The following PSD3 variants were observed in gnomAD, a reference collection of about 807,000 sequenced individuals.
PSD3 encodes PH and SEC7 domain-containing protein 3.
Under a neutral mutation model 105.5 loss-of-function variants are expected in PSD3, and 49 were observed. The ratio of observed to expected loss-of-function variants is 0.46; its 90% CI spans 0.37 to 0.59. PSD3 has a LOEUF of 0.59. Among genes scored for constraint, PSD3 ranks in the 20% least tolerant of loss-of-function variants. The pLI, the probability that PSD3 is intolerant of heterozygous loss-of-function variation, is 0.00. For missense variants in PSD3, 1,561 were observed against 1,263.8 expected, an observed-to-expected ratio of 1.24 and a Z score of -3.57; for synonymous variants, 557 against 457.8, an observed-to-expected ratio of 1.22 and a Z score of -2.77.
At chr8:18,977,167 G>A (rs1340544227) in intron 1 of PSD3, among the ~76,000 whole-genome samples, 4 of 150,846 alleles carry the variant, frequency 2.7e-5, no homozygotes, top group Non-Finnish European at 5.9e-5. Context: ...GGCTGAGGCA[G>A]GAGAATCGCT....
intron 9 of PSD3, among the ~76,000 whole-genome samples, chr8:18,715,832 A>C (rs187855807): frequency 2.0e-5 from 3 of 152,338 alleles, no homozygotes; most frequent in Admixed American, 2.0e-4. Flanking sequence ...AAATAAGTAC[A>C]TCCAACGCAT....
At chr8:18,802,647 A>G (rs1227348391) in intron 6 of PSD3, among the ~76,000 whole-genome samples, 3 of 152,216 alleles carry the variant, frequency 2.0e-5, no homozygotes, top group African/African-American at 4.8e-5. Context: ...AAATCACTGC[A>G]GTACTACACT....
chr8:18,574,091 T>C (rs570132706), intron 13 of PSD3, among the ~76,000 whole-genome samples: 33 of 152,226 alleles, frequency 2.2e-4, no homozygotes, highest in African/African-American at 7.9e-4. Flanking sequence ...AACTCATAAA[T>C]GAATGGTAGA....
At chr8:18,835,881 G>T (rs920996756) in intron 4 of PSD3, among the ~76,000 whole-genome samples, 3 of 150,726 alleles carry the variant, frequency 2.0e-5, no homozygotes, top group South Asian at 2.1e-4. Flanking sequence ...CGGTGTAGAT[G>T]GGGGGGCGGA....
At chr8:18,868,149 C>A (rs1817089791) in intron 3 of PSD3, 80 bp from the exon 4 acceptor site, 5 of 1,401,740 alleles carry the variant, frequency 3.6e-6, no homozygotes, top group Non-Finnish European at 4.8e-6. Context: ...ATAAAAAGGA[C>A]AACATTCTGA....
rs76289878 is a variant in PSD3 at position 18,686,324 on chromosome 8, G to A, written c.2173-30639C>T. 1.2e-3 allele frequency among the ~76,000 whole-genome samples: 180 copies of A among 152,292 alleles called. 2 individuals carry two copies. The East Asian group carries it at 0.03, about 25-fold the overall frequency. On this transcript the variant is annotated intron_variant, in intron 9 of 15. Coordinates refer to ENST00000327040, the MANE Select transcript of PSD3 (RefSeq NM_015310.4). Reference sequence around the variant, plus strand: ...CAATCCCCACTTTCCTGATGAGGACGCTATCACAGAGCCAGCATGCAGATT... The same window carrying A: ...CAATCCCCACTTTCCTGATGAGGACACTATCACAGAGCCAGCATGCAGATT...
intron 15 of PSD3, among the ~76,000 whole-genome samples, chr8:18,536,618 T>A (rs1799860255): frequency 6.6e-6 from 1 of 152,218 alleles, no homozygotes; most frequent in South Asian, 2.1e-4. Context: ...TTCAAGTTAT[T>A]TTCTGATGCT....
chr8:18,581,988 C>G (rs9942804), intron 12 of PSD3, among the ~76,000 whole-genome samples: 1 of 152,036 alleles, frequency 6.6e-6, no homozygotes, highest in Admixed American at 6.6e-5. Flanking sequence ...AACAAGAGCT[C>G]TGGATAATGT....
chr8:18,983,472 G>C (rs192866769), intron 1 of PSD3, among the ~76,000 whole-genome samples: 1 of 152,152 alleles, frequency 6.6e-6, no homozygotes. Flanking sequence ...TTCTCACTAA[G>C]CTTAATCATT....
chr8:18,572,964 G>A (rs1802233507), intron 13 of PSD3, among the ~76,000 whole-genome samples: 1 of 152,126 alleles, frequency 6.6e-6, no homozygotes, highest in African/African-American at 2.4e-5. Flanking sequence ...TGTTTGATAC[G>A]AGGCTAGGCC....
chr8:18,805,132 A>T (rs1175407325), intron 4 of PSD3, among the ~76,000 whole-genome samples: 1 of 152,184 alleles, frequency 6.6e-6, no homozygotes, highest in Non-Finnish European at 1.5e-5. Flanking sequence ...AGACCTTTAC[A>T]TTCTTAGAAG....
chr8:18,755,449 T>TAACAC (rs1805952964), intron 9 of PSD3, among the ~76,000 whole-genome samples: 1 of 151,300 alleles, frequency 6.6e-6, no homozygotes, highest in South Asian at 2.1e-4. Context: ...TAACATAACA[T>TAACAC]AACATAACAT....
chr8:18,561,699 A>G (rs1320551953), intron 14 of PSD3, among the ~76,000 whole-genome samples: 1 of 152,192 alleles, frequency 6.6e-6, no homozygotes, highest in South Asian at 2.1e-4. Context: ...TTGTTAAAAA[A>G]ATATTTAATT....
chr8:18,570,726 T>G (rs1391607735), intron 14 of PSD3, among the ~76,000 whole-genome samples: 1 of 151,792 alleles, frequency 6.6e-6, no homozygotes, highest in African/African-American at 2.4e-5. Context: ...GAAAAAATGC[T>G]CATCATCACT....
At chr8:18,993,619 C>T (rs13269196) in intron 1 of PSD3, among the ~76,000 whole-genome samples, 67,297 of 151,460 alleles carry the variant, frequency 0.44, 15,635 homozygotes, top group Non-Finnish European at 0.51. Context: ...AGAGCTTATC[C>T]CCCCAATTCA....
At chr8:18,873,695 T>G (rs1817540324) in intron 2 of PSD3, among the ~76,000 whole-genome samples, 1 of 152,164 alleles carries the variant, frequency 6.6e-6, no homozygotes, top group Non-Finnish European at 1.5e-5. Flanking sequence ...CCTACCTATC[T>G]GCAATTTTGT....
chr8:18,715,793 C>A (rs1193252566), intron 9 of PSD3, among the ~76,000 whole-genome samples: 4 of 152,144 alleles, frequency 2.6e-5, no homozygotes, highest in Non-Finnish European at 5.9e-5. Flanking sequence ...TTACTCCAAC[C>A]CTCCAGGCAG....
In PSD3 at chr8:18,871,830, A is replaced by G. The variant is rs759092425; in HGVS notation, c.1034T>C (p.Ile345Thr). The change falls in exon 3 of 16, where the codon ATC (isoleucine) becomes ACC (threonine). Residue 345 changes from isoleucine (I) to threonine (T), a missense_variant. Ile to Thr is a moderately conservative substitution (Grantham distance 89, BLOSUM62 -1). Transcript: ENST00000327040. The stretch of plus-strand genomic sequence containing the variant: ...TGAATTACACAAACCAGCTGATGAG[A>G]TGAGATGGCGTGGCACTTTGGAAGA... Reference protein sequence around the residue: ...KESSKVPRHLISSAGLCNSSS... With the variant: ...KESSKVPRHLTSSAGLCNSSS... 45 of 1,614,070 alleles carry G rather than the reference A, an allele frequency of 2.8e-5. No homozygotes were observed. Among genetic ancestry groups the G allele is most frequent in the African/African-American group, 1.3e-5 (1 of 74,920 alleles).
chr8:18,759,092 A>ACACACACACACACACACTCTCTCT (rs756248977), intron 9 of PSD3, among the ~76,000 whole-genome samples: 33 of 143,950 alleles, frequency 2.3e-4, no homozygotes, highest in South Asian at 8.9e-4. Flanking sequence ...ACACACACAC[A>ACACACACACACACACACTCTCTCT]CTCTCTCTCT....
Sources: allele counts gnomAD v4.1 joint callset (sites outside exome capture counted in the v4.1 genomes callset), GRCh38; gene constraint gnomAD v4.1.1; transcripts MANE v1.5; gene names NCBI Gene and HGNC (gene_info 2026-07-23, HGNC 2026-07-21).